Variants in ROR1 observed in about 807,000 individuals in gnomAD.
ROR1 encodes the protein ROR family WNT receptor 1, also known as inactive tyrosine-protein kinase transmembrane receptor ROR1.
In ROR1, 19 loss-of-function variants were observed where a neutral mutation model predicts 78.8. That is an observed-to-expected ratio of 0.24 (90% CI 0.17 to 0.35). ROR1 has a LOEUF of 0.35. Ranked by LOEUF, ROR1 falls within the 10% of genes least tolerant of loss-of-function variation. The pLI, the probability that ROR1 is intolerant of heterozygous loss-of-function variation, is 1.00. For missense variants in ROR1, 917 were observed against 1,177.8 expected, an observed-to-expected ratio of 0.78 and a Z score of 3.24; for synonymous variants, 386 against 433.6, an observed-to-expected ratio of 0.89 and a Z score of 1.36.
intron 4 of ROR1, chr1:64,113,757 T>C (rs1258021716): frequency 3.3e-5 from 5 of 149,314 alleles, no homozygotes; most frequent in African/African-American, 9.9e-5. Flanking sequence ...GAGACCCAGG[T>C]ACCAATTTAT....
At chr1:63,814,644 T>C (rs1644878643) in intron 1 of ROR1, among the ~76,000 whole-genome samples, 1 of 151,808 alleles carries the variant, frequency 6.6e-6, no homozygotes, top group Non-Finnish European at 1.5e-5. Flanking sequence ...TAGACTCTCA[T>C]AAGGAGCACG....
intron 1 of ROR1, among the ~76,000 whole-genome samples, chr1:63,939,990 A>C (rs1191202150): frequency 8.5e-5 from 13 of 152,188 alleles, no homozygotes; most frequent in Admixed American, 8.5e-4. Flanking sequence ...GGAGGAAGTT[A>C]GGAGTTGGAC....
intron 4 of ROR1, among the ~76,000 whole-genome samples, chr1:64,073,310 G>A (rs549371434): frequency 7.9e-5 from 12 of 152,238 alleles, no homozygotes; most frequent in East Asian, 7.7e-4. Context: ...CTACTCCTCT[G>A]TGTGCCCCTT....
intron 1 of ROR1, among the ~76,000 whole-genome samples, chr1:63,823,523 C>T (rs1379127116): frequency 7.3e-6 from 1 of 137,792 alleles, no homozygotes; most frequent in Non-Finnish European, 1.5e-5. Context: ...TATCATAGCT[C>T]GTTGTAACCT....
intron 1 of ROR1, among the ~76,000 whole-genome samples, chr1:63,909,513 A>G (rs928895608): frequency 1.3e-5 from 2 of 152,100 alleles, no homozygotes; most frequent in Non-Finnish European, 2.9e-5. Context: ...TGTTTAGGTG[A>G]GATACAGGTC....
At chr1:64,151,882 C>CAG (rs112737308) in intron 7 of ROR1, among the ~76,000 whole-genome samples, 1 of 141,158 alleles carries the variant, frequency 7.1e-6, no homozygotes, top group Non-Finnish European at 1.5e-5. Flanking sequence ...CACTCCGTCT[C>CAG]AAAAAAAAAA....
At chr1:63,840,875 T>C (rs1645045580) in intron 1 of ROR1, among the ~76,000 whole-genome samples, 1 of 152,196 alleles carries the variant, frequency 6.6e-6, no homozygotes, top group Non-Finnish European at 1.5e-5. Context: ...TATTCATTCA[T>C]AGGTTTGTTG....
At chr1:63,861,847 T>G (rs1207681145) in intron 1 of ROR1, among the ~76,000 whole-genome samples, 1 of 152,160 alleles carries the variant, frequency 6.6e-6, no homozygotes, top group East Asian at 1.9e-4. Flanking sequence ...TAGGTCAGTC[T>G]TCTTAGGGTT....
chr1:63,930,643 G>A (rs1310184465), intron 1 of ROR1, among the ~76,000 whole-genome samples: 1 of 152,190 alleles, frequency 6.6e-6, no homozygotes, highest in East Asian at 1.9e-4. Context: ...ATGCCCATAT[G>A]ATGTTGTAAG....
intron 1 of ROR1, among the ~76,000 whole-genome samples, chr1:63,847,773 T>A (rs1202646841): frequency 6.6e-6 from 1 of 152,222 alleles, no homozygotes; most frequent in African/African-American, 2.4e-5. Context: ...TTGACAGAGC[T>A]GTGGTTTTCC....
intron 2 of ROR1, 58 bp downstream of exon 2, chr1:64,009,434 C>G (rs1178206386): frequency 1.6e-6 from 2 of 1,266,372 alleles, no homozygotes; most frequent in African/African-American, 1.5e-5. Context: ...TGTTTTTAAT[C>G]CTGGCATGAC....
intron 1 of ROR1, among the ~76,000 whole-genome samples, chr1:63,786,256 ATTTTTTTTTTTTTTTTTTTT>A (rs34933492): frequency 1.5e-5 from 1 of 67,468 alleles, no homozygotes; most frequent in Non-Finnish European, 2.8e-5. Context: ...CTACAACTTG[ATTTTTTTTTTTTTTTTTTTT>A]TTTTTTTTTT....
chr1:64,129,353 G>A (rs1321914629), intron 4 of ROR1, among the ~76,000 whole-genome samples: 1 of 152,144 alleles, frequency 6.6e-6, no homozygotes, highest in Non-Finnish European at 1.5e-5. Flanking sequence ...AGCAATTCCA[G>A]TAACACTTGT....
In ROR1 at chr1:64,152,113, A is replaced by AT. The variant is rs912855427; in HGVS notation, c.1175-6860dup. ...AACCAAAACTCGTATGCAAAATCTG[A>AT]TTTTTTTTAAATGTTGGCCACTGAT... On this transcript the variant is annotated intron_variant, in intron 7 of 8. Coordinates refer to ENST00000371079, the MANE Select transcript of ROR1 (RefSeq NM_005012.4). Among the ~76,000 whole-genome samples, 9 of 152,180 alleles carry AT rather than the reference A, an allele frequency of 5.9e-5. 1 individual carries two copies. The South Asian group carries it at 6.2e-4, about 11-fold the overall frequency.
At chr1:63,843,080 C>G in intron 1 of ROR1, 1 of 529,428 alleles carries the variant, frequency 1.9e-6, no homozygotes, top group Non-Finnish European at 3.5e-6. Context: ...ATTGCCCTCC[C>G]CCTGCTGGGA....
chr1:64,140,586 A>G (rs1164697847), intron 6 of ROR1, among the ~76,000 whole-genome samples, 160 bp downstream of exon 6: 1 of 152,248 alleles, frequency 6.6e-6, no homozygotes, highest in Non-Finnish European at 1.5e-5. Context: ...TGGATTAGAC[A>G]TAGTTATCTT....
At chr1:64,114,970 G>T (rs961902992) in intron 4 of ROR1, among the ~76,000 whole-genome samples, 4 of 152,110 alleles carry the variant, frequency 2.6e-5, no homozygotes, top group Non-Finnish European at 5.9e-5. Context: ...ATGGTTGTTT[G>T]TTTGCTTGTT....
chr1:63,950,315 A>G (rs1207034019), intron 1 of ROR1, among the ~76,000 whole-genome samples: 1 of 152,172 alleles, frequency 6.6e-6, no homozygotes, highest in African/African-American at 2.4e-5. Context: ...ATCATATGAT[A>G]TATTAGGGGT....
chr1:64,154,256 C>G (rs1649708413), intron 7 of ROR1, among the ~76,000 whole-genome samples: 1 of 152,246 alleles, frequency 6.6e-6, no homozygotes, highest in Non-Finnish European at 1.5e-5. Context: ...TTACCTCTCT[C>G]TCTCGCCTTC....
Sources: gnomAD v4.1 joint callset for allele counts (sites outside exome capture counted in the v4.1 genomes callset) on GRCh38, gnomAD v4.1.1 for gene constraint, MANE v1.5 for transcripts, NCBI Gene and HGNC (gene_info 2026-07-23, HGNC 2026-07-21) for gene names.